DNM1: variants seen among roughly 807,000 people sequenced by gnomAD.
DNM1 encodes the protein dynamin-1.
DNM1 carries 29 observed loss-of-function variants against 104.6 expected under a neutral mutation model. The ratio of observed to expected loss-of-function variants is 0.28; its 90% confidence interval spans 0.21 to 0.38. The LOEUF (loss-of-function observed/expected upper bound fraction) is 0.38, where lower values mean the gene tolerates loss of function less well. Among genes scored for constraint, DNM1 ranks in the 10% least tolerant of loss-of-function variants. DNM1 has a pLI of 1.00. For missense variants in DNM1, 640 were observed against 1,189.4 expected, an observed-to-expected ratio of 0.54 and a Z score of 6.79; for synonymous variants, 445 against 475.8, an observed-to-expected ratio of 0.94 and a Z score of 0.84.
At chr9:128,239,897 C>T in intron 13 of DNM1, 88 bp from the exon 14 acceptor site, 2 of 1,584,902 alleles carry the variant, frequency 1.3e-6, no homozygotes, top group Non-Finnish European at 8.7e-7. Context: ...CTGTCAGCTG[C>T]CAGCCACAAG....
rs1206699047 is a variant in DNM1, at chr9:128,243,146, G to T, written c.1671+801G>T. 6.6e-6 allele frequency among the ~76,000 whole-genome samples: 1 copy of T among 152,156 alleles called. No homozygotes were observed. Among genetic ancestry groups the T allele is most frequent in the African/African-American group, 2.4e-5 (1 of 41,436 alleles). ...CAAGGAGTGTGGGGGCCCTGCCGAG[G>T]TGCCACAAAAAACCCCTCCCCGCCC... On this transcript the variant is annotated intron_variant, in intron 15 of 21. Transcript: ENST00000372923. This position sits in a 1 kb window ranked among gnomAD's most constrained non-coding sequence, Gnocchi z 4.0.
chr9:128,244,558 A>C (rs573779007), intron 15 of DNM1, among the ~76,000 whole-genome samples: 1 of 94,750 alleles, frequency 1.1e-5, no homozygotes, highest in Non-Finnish European at 2.2e-5. Context: ...TTCCTCGGCC[A>C]CCCTTCCCCC....
chr9:128,255,101 G>C lies in DNM1; in HGVS notation c.*387G>C. 5.6e-6 allele frequency: 1 copy of C among 177,726 alleles called. No homozygotes were observed. Among genetic ancestry groups the C allele is most frequent in the Non-Finnish European group, 1.2e-5 (1 of 85,232 alleles). The allele number at this position is 177,726 out of a possible 1,614,324, so 11.0% of individuals were successfully genotyped here. A position where few individuals can be genotyped will look rare whatever the true frequency, so the allele number is the denominator to read the frequency against. On this transcript the variant is annotated 3_prime_UTR_variant, in exon 22 of 22. Coordinates refer to ENST00000372923, the MANE Select transcript of DNM1 (RefSeq NM_004408.4). ...CCAGTGAGCCTCCTTGTCATGCCCG[G>C]CCTGTGGACAGCCAGCCCCCGCCAT...
chr9:128,213,955 A>T (rs748330239), intron 1 of DNM1, among the ~76,000 whole-genome samples: 3 of 151,986 alleles, frequency 2.0e-5, no homozygotes, highest in Non-Finnish European at 2.9e-5. Context: ...ACAGAGAGCG[A>T]CTTGTTGCCT....
At chr9:128,232,213 G>A in intron 10 of DNM1, 1 of 371,880 alleles carries the variant, frequency 2.7e-6, no homozygotes, top group Admixed American at 3.2e-5. Context: ...ACCCTGGGAG[G>A]GAGCACTTGG....
At chr9:128,241,885 T>G (rs770720330) in intron 14 of DNM1, among the ~76,000 whole-genome samples, 9 of 152,172 alleles carry the variant, frequency 5.9e-5, no homozygotes, top group Non-Finnish European at 1.0e-4. Flanking sequence ...GATGAGACCT[T>G]AAGCTTCCAA....
rs766076495 is a variant in DNM1, at chr9:128,248,198, G to A, written c.1905+263G>A. On this transcript the variant is annotated intron_variant, in intron 18 of 21. Transcript: ENST00000372923. This position sits in a 1 kb window ranked among gnomAD's most constrained non-coding sequence, Gnocchi z 5.6. ...AAAAATTAGCCAGGCATGGTGGTGCGCGCCTGTAATCCCAGCTACTCAGGA... is the reference window on the plus strand; with the variant it reads ...AAAAATTAGCCAGGCATGGTGGTGCACGCCTGTAATCCCAGCTACTCAGGA... 117 of 539,764 alleles carry A rather than the reference G, an allele frequency of 2.2e-4. No homozygotes were observed. The highest frequency in any genetic ancestry group is 3.1e-4 in the Non-Finnish European group (93 of 300,172). 33.4% of individuals were successfully genotyped at this position (539,764 alleles called of 1,614,324 possible). A position where few individuals can be genotyped will look rare whatever the true frequency, so the allele number is the denominator to read the frequency against.
Position 128,248,360 on chromosome 9 carries a change from A to T in DNM1, c.1906-223A>T. ...TAATAATTTCTGGATTGGGAAATTG[A>T]GGCAAATTCTAGGCACTAGAGTCAG... On this transcript the variant is annotated intron_variant, in intron 18 of 21. Coordinates refer to ENST00000372923, the MANE Select transcript of DNM1 (RefSeq NM_004408.4). This position sits in a 1 kb window ranked among gnomAD's most constrained non-coding sequence, Gnocchi z 5.6. The T allele has an allele frequency of 1.8e-6, 1 of 541,588 alleles. No homozygotes were observed. The highest frequency in any genetic ancestry group is 3.0e-5 in the East Asian group (1 of 33,514). 33.5% of individuals were successfully genotyped at this position (541,588 alleles called of 1,614,324 possible).
chr9:128,211,017 C>A (rs1199366382), intron 1 of DNM1, among the ~76,000 whole-genome samples: 2 of 152,130 alleles, frequency 1.3e-5, no homozygotes, highest in African/African-American at 4.8e-5. Flanking sequence ...TCAAAATATT[C>A]TCCTGAATGG....
chr9:128,254,181 C>A lies in DNM1; in HGVS notation c.2535-473C>A. The A allele has an allele frequency of 7.6e-7, 1 of 1,315,596 alleles. No homozygotes were observed. Among genetic ancestry groups the A allele is most frequent in the South Asian group, 2.4e-5 (1 of 41,122 alleles). 81.5% of individuals were successfully genotyped at this position (1,315,596 alleles called of 1,614,324 possible). ...AACACCCAGAGGGGCCTCCGGCGCT[C>A]CCTCCAGCCATCCCTTTTAGTTTCA... On this transcript the variant is annotated intron_variant, in intron 21 of 21. Transcript: ENST00000372923. This position sits in a 1 kb window ranked among gnomAD's most constrained non-coding sequence, Gnocchi z 6.1.
chr9:128,227,215 C>A (rs10987938), intron 10 of DNM1, among the ~76,000 whole-genome samples: 1 of 150,968 alleles, frequency 6.6e-6, no homozygotes, highest in African/African-American at 2.4e-5. Context: ...GGTTTTGCCA[C>A]GTTGGCCAGG....
At chr9:128,233,381 C>T (rs917840651) in intron 10 of DNM1, among the ~76,000 whole-genome samples, 3 of 152,130 alleles carry the variant, frequency 2.0e-5, no homozygotes, top group African/African-American at 7.2e-5. Flanking sequence ...TGCTGGCCCC[C>T]GCCTTGCATG....
At chr9:128,250,425 G>A (rs1329489245) in intron 20 of DNM1, 69 bp downstream of exon 20, 4 of 1,439,168 alleles carry the variant, frequency 2.8e-6, no homozygotes, top group East Asian at 2.5e-5. Context: ...TGCCGGGACC[G>A]GGCAGTGGCG....
At chr9:128,207,339 G>A (rs747267629) in intron 1 of DNM1, among the ~76,000 whole-genome samples, 76 of 152,004 alleles carry the variant, frequency 5.0e-4, no homozygotes, top group Non-Finnish European at 8.1e-4. Flanking sequence ...ATTTAAACCC[G>A]AGAGTAGATG....
At chr9:128,246,035 C>G (rs766618007) in intron 15 of DNM1, among the ~76,000 whole-genome samples, 2 of 152,198 alleles carry the variant, frequency 1.3e-5, no homozygotes, top group Non-Finnish European at 2.9e-5. Context: ...GAAATGAAGT[C>G]AGAGGCGGCC....
In DNM1 at chr9:128,219,253, G is replaced by A; in HGVS notation, c.589+1G>A. Reference sequence around the variant, plus strand: ...GTCGCCAAGGAGGTGGACCCCCAGGGTAGGTTCCCACCCGGTGGCCAATGC... The same window carrying A: ...GTCGCCAAGGAGGTGGACCCCCAGGATAGGTTCCCACCCGGTGGCCAATGC... On this transcript the variant is annotated splice_donor_variant, in intron 4 of 21. Coordinates refer to ENST00000372923, the MANE Select transcript of DNM1 (RefSeq NM_004408.4). LOFTEE classifies it high-confidence loss of function. 1 of 1,613,976 alleles carries A rather than the reference G, an allele frequency of 6.2e-7. No individual in the cohort carries two copies. The highest frequency in any genetic ancestry group is 8.5e-7 in the Non-Finnish European group (1 of 1,179,978).
intron 1 of DNM1, chr9:128,204,700 TGA>T (rs1255256200): frequency 1.3e-5 from 2 of 152,248 alleles, no homozygotes; most frequent in South Asian, 2.1e-4. Flanking sequence ...GGGGATGAAG[TGA>T]GAGAGTTTAC....
At position 128,245,302 on chromosome 9, in the gene DNM1, C is replaced by T. The variant is rs1836717504; in HGVS notation, c.1672-1092C>T. Among the ~76,000 whole-genome samples the T allele has an allele frequency of 2.0e-5, 3 of 152,164 alleles. No homozygotes were observed. Among genetic ancestry groups the T allele is most frequent in the Admixed American group, 6.5e-5 (1 of 15,286 alleles). On this transcript the variant is annotated intron_variant, in intron 15 of 21. Transcript: ENST00000372923. This position sits in a 1 kb window ranked among gnomAD's most constrained non-coding sequence, Gnocchi z 5.2. ...AGGGGTGGGCGGGATGACGCCAGGA[C>T]GGGGGAGCAAGGTCCCCCTAAACCC...
In DNM1 at chr9:128,234,126, G is replaced by A. The variant is rs1440002003; in HGVS notation, c.1422+19G>A. 2.4e-5 allele frequency: 36 copies of A among 1,512,622 alleles called. No homozygotes were observed. The highest frequency in any genetic ancestry group is 4.2e-5 in the African/African-American group (3 of 71,918). The allele number at this position is 1,512,622 out of a possible 1,614,324, so 93.7% of individuals were successfully genotyped here. On this transcript the variant is annotated intron_variant, in intron 11 of 21. Transcript: ENST00000372923. Reference sequence around the variant, plus strand: ...GGAGCAGGTGAGCCCCGCAGCACCCGGCCTGGCCGCGCCTTCCTTCCACTC... The same window carrying A: ...GGAGCAGGTGAGCCCCGCAGCACCCAGCCTGGCCGCGCCTTCCTTCCACTC...
Sources: allele counts gnomAD v4.1 joint callset (sites outside exome capture counted in the v4.1 genomes callset), GRCh38; gene constraint gnomAD v4.1.1; non-coding constraint Gnocchi (gnomAD v3.1); transcripts MANE v1.5; gene names NCBI Gene and HGNC (gene_info 2026-07-23, HGNC 2026-07-21).